The following GTF2F2 variants were observed in gnomAD, a reference collection of about 807,000 sequenced individuals.
GTF2F2 encodes general transcription factor IIF subunit 2, also known as ATP-dependent helicase GTF2F2.
GTF2F2 carries 23 observed loss-of-function variants against 42.2 expected under a neutral mutation model. The ratio of observed to expected loss-of-function variants is 0.55; its 90% CI spans 0.39 to 0.77. The LOEUF is 0.77. GTF2F2 is among the 30% of genes least tolerant of loss of function. The pLI is 0.00. For missense variants in GTF2F2, 261 were observed against 287.2 expected (o/e 0.91, Z 0.66); for synonymous variants, 105 against 100.8 (o/e 1.04, Z -0.25).
chr13:45,191,934 A>G (rs1416663062), intron 4 of GTF2F2, among the ~76,000 whole-genome samples: 1 of 152,164 alleles, frequency 6.6e-6, no homozygotes, highest in Non-Finnish European at 1.5e-5. Flanking sequence ...CTGTTCAGCT[A>G]TATCTCCTGT....
At chr13:45,195,108 A>G (rs2138174660) in intron 4 of GTF2F2, among the ~76,000 whole-genome samples, 1 of 152,318 alleles carries the variant, frequency 6.6e-6, no homozygotes, top group East Asian at 1.9e-4. Context: ...GGAAAAAGTC[A>G]CACATTTCAA....
intron 5 of GTF2F2, among the ~76,000 whole-genome samples, chr13:45,211,829 G>T: frequency 6.7e-6 from 1 of 149,938 alleles, no homozygotes; most frequent in East Asian, 2.0e-4. Flanking sequence ...CAGGTGATCC[G>T]CCCACCTCGG....
At chr13:45,208,305 T>C (rs915409923) in intron 5 of GTF2F2, among the ~76,000 whole-genome samples, 1 of 152,198 alleles carries the variant, frequency 6.6e-6, no homozygotes, top group African/African-American at 2.4e-5. Context: ...TATTTAAAAA[T>C]GCTGATTGTA....
rs71184403 is a variant in GTF2F2, at chr13:45,212,455, C to CTTTCTTTTCTTTTCTTTTCTTTTCT, written c.386+4957_386+4958insTCTTTTCTTTTCTTTTCTTTTCTTT. On this transcript the variant is annotated intron_variant, in intron 5 of 7. Coordinates refer to ENST00000340473, the MANE Select transcript of GTF2F2 (RefSeq NM_004128.3). Reference sequence around the variant, plus strand: ...TTCTTTCTTTCTTTCTTGTTTCTTTCTTTCTTTCTTTCTTTCTTTCTTTCT... The same window carrying CTTTCTTTTCTTTTCTTTTCTTTTCT: ...TTCTTTCTTTCTTTCTTGTTTCTTTCTTTCTTTTCTTTTCTTTTCTTTTCTTTTCTTTCTTTCTTTCTTTCTTTCT... Among the ~76,000 whole-genome samples the CTTTCTTTTCTTTTCTTTTCTTTTCT allele has an allele frequency of 1.8e-3, 178 of 96,644 alleles. 6 individuals carry two copies. The highest frequency in any genetic ancestry group is 4.1e-3 in the African/African-American group (91 of 22,206). 63.4% of individuals were successfully genotyped at this position (96,644 alleles called of 152,430 possible).
At chr13:45,192,345 A>G (rs1302345075) in intron 4 of GTF2F2, among the ~76,000 whole-genome samples, 1 of 152,172 alleles carries the variant, frequency 6.6e-6, no homozygotes, top group Non-Finnish European at 1.5e-5. Flanking sequence ...CAACTTTTAC[A>G]TTACATTAGA....
chr13:45,163,727 A>C (rs568133843), intron 4 of GTF2F2, among the ~76,000 whole-genome samples: 79 of 152,304 alleles, frequency 5.2e-4, no homozygotes, highest in African/African-American at 1.9e-3. Flanking sequence ...CTTTGAGCAT[A>C]AGGGTACCAT....
intron 7 of GTF2F2, among the ~76,000 whole-genome samples, chr13:45,281,864 G>A (rs185030737): frequency 6.6e-6 from 1 of 152,182 alleles, no homozygotes; most frequent in South Asian, 2.1e-4. Flanking sequence ...ATTATTGTTG[G>A]ATTGCTTTGT....
intron 4 of GTF2F2, among the ~76,000 whole-genome samples, chr13:45,167,284 G>C (rs1871339580): frequency 6.7e-6 from 1 of 149,354 alleles, no homozygotes; most frequent in South Asian, 2.1e-4. Context: ...GCCCAGGCTG[G>C]AGTGCAGTGT....
intron 4 of GTF2F2, among the ~76,000 whole-genome samples, chr13:45,173,067 A>G (rs78299279): frequency 9.5e-4 from 144 of 152,328 alleles, no homozygotes; most frequent in Non-Finnish European, 1.9e-3. Context: ...TGCCATCTTA[A>G]CAGTATTATT....
chr13:45,173,542 C>T (rs1232056244), intron 4 of GTF2F2, among the ~76,000 whole-genome samples: 1 of 151,830 alleles, frequency 6.6e-6, no homozygotes, highest in Non-Finnish European at 1.5e-5. Context: ...CCCCACTTCC[C>T]ACCTCTTTCC....
At chr13:45,217,284 C>T (rs1248206474) in intron 5 of GTF2F2, among the ~76,000 whole-genome samples, 8 of 133,894 alleles carry the variant, frequency 6.0e-5, no homozygotes, top group African/African-American at 1.2e-4. Context: ...GGTGACAGAG[C>T]GAGACTCCAT....
intron 6 of GTF2F2, among the ~76,000 whole-genome samples, chr13:45,264,802 A>G (rs1259857000): frequency 2.0e-5 from 3 of 152,158 alleles, no homozygotes; most frequent in Admixed American, 6.5e-5. Flanking sequence ...GCCAACTAGA[A>G]TGTGCGCCCT....
At chr13:45,177,460 G>A (rs1009386192) in intron 4 of GTF2F2, among the ~76,000 whole-genome samples, 15 of 152,054 alleles carry the variant, frequency 9.9e-5, no homozygotes, top group African/African-American at 1.9e-4. Flanking sequence ...ATGAACTCTC[G>A]GGCCATCTTA....
At chr13:45,161,424 A>G (rs1239601784) in intron 4 of GTF2F2, among the ~76,000 whole-genome samples, 1 of 152,152 alleles carries the variant, frequency 6.6e-6, no homozygotes, top group East Asian at 1.9e-4. Context: ...TACCTGGTGA[A>G]GTGTTGATCA....
At chr13:45,247,336 C>G (rs1593516796) in intron 5 of GTF2F2, among the ~76,000 whole-genome samples, 5 of 151,420 alleles carry the variant, frequency 3.3e-5, no homozygotes, top group African/African-American at 1.2e-4. Context: ...GAGACTGTCT[C>G]AAATTAAATT....
intron 7 of GTF2F2, 23 bp downstream of exon 7, chr13:45,267,399 C>T (rs779033180): frequency 2.7e-6 from 4 of 1,495,934 alleles, no homozygotes; most frequent in Non-Finnish European, 3.6e-6. Flanking sequence ...TCATACTGAT[C>T]CTTTGAATAT....
At chr13:45,272,117 A>G (rs937643503) in intron 7 of GTF2F2, among the ~76,000 whole-genome samples, 45 of 149,704 alleles carry the variant, frequency 3.0e-4, no homozygotes, top group African/African-American at 1.0e-3. Context: ...TATATTTTAA[A>G]AAAAAGACAA....
intron 5 of GTF2F2, among the ~76,000 whole-genome samples, chr13:45,224,471 GC>G (rs1186282968): frequency 2.6e-5 from 4 of 152,188 alleles, no homozygotes; most frequent in African/African-American, 9.7e-5. Context: ...TGTTTTGGTT[GC>G]TGAGATGCCC....
At chr13:45,252,024 C>A (rs553646983) in intron 5 of GTF2F2, among the ~76,000 whole-genome samples, 2 of 152,244 alleles carry the variant, frequency 1.3e-5, no homozygotes, top group East Asian at 3.9e-4. Flanking sequence ...ATAAGCCTTG[C>A]TATACTTAAT....
Sources: gnomAD v4.1 joint callset for allele counts (sites outside exome capture counted in the v4.1 genomes callset) on GRCh38, gnomAD v4.1.1 for gene constraint, MANE v1.5 for transcripts, NCBI Gene and HGNC (gene_info 2026-07-23, HGNC 2026-07-21) for gene names.